SCOC: variants seen among roughly 807,000 people sequenced by gnomAD.
SCOC encodes the protein short coiled-coil protein.
A neutral mutation model predicts 9.9 loss-of-function variants in SCOC; 7 were observed. That is an observed-to-expected ratio of 0.71 (90% CI 0.40 to 1.33). The LOEUF is 1.33. Among genes scored for constraint, SCOC ranks in the 40% most tolerant of loss-of-function variants. The pLI, the probability that SCOC is intolerant of heterozygous loss-of-function variation, is 0.01. For missense variants in SCOC, 66 were observed against 89.7 expected (o/e 0.74, Z 1.07); for synonymous variants, 19 against 28.2 (o/e 0.67, Z 1.03).
At chr4:140,292,380 G>C (rs975622677) in intron 1 of SCOC, among the ~76,000 whole-genome samples, 2 of 151,990 alleles carry the variant, frequency 1.3e-5, no homozygotes, top group South Asian at 2.1e-4. Context: ...GTAGAGACAG[G>C]GTTTTGTCAT....
At chr4:140,321,249 C>G (rs779666531) in intron 1 of SCOC, among the ~76,000 whole-genome samples, 10 of 152,132 alleles carry the variant, frequency 6.6e-5, no homozygotes, top group Non-Finnish European at 1.2e-4. Context: ...TACATAGTAT[C>G]TACTGCCCTG....
chr4:140,335,858 C>T (rs550778434), intron 1 of SCOC, among the ~76,000 whole-genome samples: 132 of 152,222 alleles, frequency 8.7e-4, no homozygotes, highest in African/African-American at 3.0e-3. Context: ...ACCCCAATAC[C>T]GATTAGCATG....
upstream of SCOC, among the ~76,000 whole-genome samples, chr4:140,338,836 C>G (rs1033383419): frequency 1.1e-3 from 169 of 152,088 alleles, no homozygotes; most frequent in African/African-American, 3.1e-3. Context: ...CATGCTCATG[C>G]GTAGGAAGAA....
At chr4:140,267,487 C>T (rs1327588200) in intron 1 of SCOC, among the ~76,000 whole-genome samples, 1 of 152,174 alleles carries the variant, frequency 6.6e-6, no homozygotes, top group Non-Finnish European at 1.5e-5. Context: ...TTCCTCTACC[C>T]TGTTCTAAAT....
chr4:140,322,336 A>G (rs1053661884), intron 1 of SCOC, among the ~76,000 whole-genome samples: 12 of 152,308 alleles, frequency 7.9e-5, no homozygotes, highest in Middle Eastern at 3.4e-3. Flanking sequence ...GATTCTGGTG[A>G]GAGCTCTGAA....
At chr4:140,305,483 A>G (rs1022320118) in intron 1 of SCOC, among the ~76,000 whole-genome samples, 1 of 152,230 alleles carries the variant, frequency 6.6e-6, no homozygotes, top group Non-Finnish European at 1.5e-5. Flanking sequence ...CAAATAGGAA[A>G]GCACCTATAA....
At chr4:140,278,195 C>G (rs1731026059) in intron 1 of SCOC, among the ~76,000 whole-genome samples, 1 of 152,130 alleles carries the variant, frequency 6.6e-6, no homozygotes, top group African/African-American at 2.4e-5. Flanking sequence ...AGGACTAGGA[C>G]TCAAGATTTG....
At chr4:140,324,550 T>C (rs1411004043) in intron 1 of SCOC, among the ~76,000 whole-genome samples, 3 of 152,146 alleles carry the variant, frequency 2.0e-5, no homozygotes, top group African/African-American at 7.2e-5. Flanking sequence ...CAGAAATGAA[T>C]AGTTGTCATT....
At chr4:140,358,940 G>GT (rs1181009186) in intron 2 of SCOC, among the ~76,000 whole-genome samples, 1 of 152,190 alleles carries the variant, frequency 6.6e-6, no homozygotes, top group Non-Finnish European at 1.5e-5. Flanking sequence ...ATTTATGAAA[G>GT]TTGAACAGAT....
At chr4:140,273,889 A>G (rs1400095077) in intron 1 of SCOC, among the ~76,000 whole-genome samples, 1 of 152,222 alleles carries the variant, frequency 6.6e-6, no homozygotes, top group African/African-American at 2.4e-5. Context: ...TCATGTTCAA[A>G]CATATTCAGA....
intron 2 of SCOC, among the ~76,000 whole-genome samples, chr4:140,346,930 T>C (rs901051787): frequency 1.3e-5 from 2 of 152,142 alleles, no homozygotes; most frequent in Non-Finnish European, 2.9e-5. Flanking sequence ...TCACACTAGA[T>C]TGAACTATGT....
At chr4:140,263,811 T>C (rs1303537724) in intron 1 of SCOC, among the ~76,000 whole-genome samples, 1 of 152,146 alleles carries the variant, frequency 6.6e-6, no homozygotes, top group African/African-American at 2.4e-5. Flanking sequence ...CCGAGGACAC[T>C]TTCAGGAGCC....
upstream of SCOC, among the ~76,000 whole-genome samples, chr4:140,370,646 T>G (rs912394025): frequency 6.6e-6 from 1 of 152,208 alleles, no homozygotes; most frequent in Non-Finnish European, 1.5e-5. Context: ...AGTAATGAAC[T>G]GTTTGAATTC....
chr4:140,309,875 C>T (rs1732100016), intron 1 of SCOC, among the ~76,000 whole-genome samples: 2 of 152,156 alleles, frequency 1.3e-5, no homozygotes, highest in South Asian at 4.1e-4. Context: ...AAATCTCCAG[C>T]CTAGGTTGCC....
chr4:140,324,602 G>A (rs1321523725), intron 1 of SCOC, among the ~76,000 whole-genome samples: 2 of 152,112 alleles, frequency 1.3e-5, no homozygotes, highest in Non-Finnish European at 2.9e-5. Flanking sequence ...CACTGAAAAA[G>A]TTAAGTACTT....
At chr4:140,275,820 G>GT (rs1175950527) in intron 1 of SCOC, among the ~76,000 whole-genome samples, 1,096 of 90,568 alleles carry the variant, frequency 0.012, 19 homozygotes, top group African/African-American at 0.026. Context: ...GCTCAGGTTT[G>GT]TTTTTTTTTT....
chr4:140,274,620 T>G (rs1303079191), intron 1 of SCOC, among the ~76,000 whole-genome samples: 1 of 152,250 alleles, frequency 6.6e-6, no homozygotes, highest in Non-Finnish European at 1.5e-5. Context: ...AAGGGAGAAC[T>G]GTATTTAATA....
At chr4:140,314,571 C>T (rs948867399) in intron 1 of SCOC, 8 of 152,216 alleles carry the variant, frequency 5.3e-5, no homozygotes, top group African/African-American at 1.9e-4. Flanking sequence ...CAGCCCAGAT[C>T]TCATTCTTTG....
upstream of SCOC, among the ~76,000 whole-genome samples, chr4:140,371,701 A>G (rs866622722): frequency 6.6e-6 from 1 of 152,126 alleles, no homozygotes; most frequent in Non-Finnish European, 1.5e-5. Context: ...CACTTTTTTA[A>G]AAGTTGCTTT....
Sources: gnomAD v4.1 joint callset for allele counts (sites outside exome capture counted in the v4.1 genomes callset) on GRCh38, gnomAD v4.1.1 for gene constraint, MANE v1.5 for transcripts, NCBI Gene and HGNC (gene_info 2026-07-23, HGNC 2026-07-21) for gene names.